The following SOS1 variants were observed in gnomAD, a reference collection of about 807,000 sequenced individuals.
The protein encoded by SOS1 is son of sevenless homolog 1.
Under a neutral mutation model 157.6 loss-of-function variants are expected in SOS1, and 25 were observed. The observed-to-expected ratio is 0.16, with a 90% CI of 0.12 to 0.22. The LOEUF is 0.22. SOS1 is among the 10% of genes least tolerant of loss of function. SOS1 has a pLI of 1.00. For missense variants in SOS1, 1,237 were observed against 1,599.1 expected (o/e 0.77, Z 3.86); for synonymous variants, 528 against 534.0 (o/e 0.99, Z 0.16).
At position 39,071,577 on chromosome 2, in the gene SOS1, T is replaced by TA. The variant is rs142073589; in HGVS notation, c.88-3825dup. On this transcript the variant is annotated intron_variant, in intron 1 of 22. Coordinates refer to ENST00000402219, the MANE Select transcript of SOS1 (RefSeq NM_005633.4). ...AAATGTTAGAGAAGATAATAAATGT[T>TA]AAAATGAAAGTATTTCATCAATAAT... Among the ~76,000 whole-genome samples the TA allele has an allele frequency of 7.1e-3, 1,081 of 152,328 alleles. 12 individuals are homozygous for TA. The highest frequency in any genetic ancestry group is 0.025 in the African/African-American group (1,038 of 41,568).
intron 6 of SOS1, among the ~76,000 whole-genome samples, chr2:39,039,312 G>A (rs1358648836): frequency 2.6e-5 from 4 of 152,182 alleles, no homozygotes; most frequent in African/African-American, 7.2e-5. Context: ...ATAACTTAGT[G>A]TGCACATATG....
intron 1 of SOS1, among the ~76,000 whole-genome samples, chr2:39,087,431 C>A (rs1266523437): frequency 6.6e-6 from 1 of 152,152 alleles, no homozygotes; most frequent in East Asian, 1.9e-4. Flanking sequence ...AGTAATTTTA[C>A]ATTTTTGTCA....
intron 10 of SOS1, among the ~76,000 whole-genome samples, chr2:39,016,190 GATA>G (rs777405617): frequency 2.6e-5 from 4 of 151,950 alleles, no homozygotes; most frequent in Non-Finnish European, 5.9e-5. Flanking sequence ...TGGTCATCGA[GATA>G]ATAACTGATT....
chr2:39,072,655 T>A (rs1256349686), intron 1 of SOS1, among the ~76,000 whole-genome samples: 1 of 152,210 alleles, frequency 6.6e-6, no homozygotes, highest in East Asian at 1.9e-4. Context: ...GAAATTCATA[T>A]TCAGTTTTAT....
Position 39,088,677 on chromosome 2 carries a change from A to G in SOS1, c.88-20924T>C, listed in dbSNP as rs183571334. Among the ~76,000 whole-genome samples the G allele has an allele frequency of 1.1e-3, 172 of 152,338 alleles. 2 individuals are homozygous for G. The highest frequency in any genetic ancestry group is 3.7e-3 in the African/African-American group (154 of 41,574). ...ATTCTATTCCTTTCTAGGGCTGAAT[A>G]GTATTCTATTACATGCATGTATATA... On this transcript the variant is annotated intron_variant, in intron 1 of 22. Coordinates refer to ENST00000402219, the MANE Select transcript of SOS1 (RefSeq NM_005633.4).
At chr2:39,068,034 G>A (rs1181940708) in intron 1 of SOS1, among the ~76,000 whole-genome samples, 1 of 152,130 alleles carries the variant, frequency 6.6e-6, no homozygotes, top group Non-Finnish European at 1.5e-5. Context: ...CAGGAGAATT[G>A]CTGGAACCCA....
chr2:39,061,398 T>C (rs1248873731), intron 2 of SOS1, among the ~76,000 whole-genome samples: 3 of 152,082 alleles, frequency 2.0e-5, no homozygotes, highest in Non-Finnish European at 4.4e-5. Context: ...TTTTATTTAT[T>C]TTGGGGGGGA....
In SOS1 at chr2:38,983,138, T is replaced by G. The variant is rs1668451077; in HGVS notation, c.*2686A>C. ...AATGTTCCACATTTTGGAATGTGGT[T>G]AACAAAAAGTCATGCTGCATTTACC... On this transcript the variant is annotated 3_prime_UTR_variant, in exon 23 of 23. Coordinates refer to ENST00000402219, the MANE Select transcript of SOS1 (RefSeq NM_005633.4). The G allele has an allele frequency of 6.6e-6, 1 of 152,192 alleles. No individual in the cohort carries two copies. The highest frequency in any genetic ancestry group is 2.1e-4 in the South Asian group (1 of 4,834). The allele number at this position is 152,192 out of a possible 1,614,324, so 9.4% of individuals were successfully genotyped here.
Position 39,022,559 on chromosome 2 carries a change from A to C in SOS1, c.1858+11T>G. The C allele has an allele frequency of 6.2e-7, 1 of 1,607,564 alleles. No homozygotes were observed. Among genetic ancestry groups the C allele is most frequent in the Non-Finnish European group, 8.5e-7 (1 of 1,174,312 alleles). ...GAAAACAAAAGTGACAGGCAACTGC[A>C]TAATTCTTACCTGCGTACATATGGT... On this transcript the variant is annotated intron_variant, in intron 10 of 22. Coordinates refer to ENST00000402219, the MANE Select transcript of SOS1 (RefSeq NM_005633.4).
At chr2:39,089,608 C>A (rs781543187) in intron 1 of SOS1, among the ~76,000 whole-genome samples, 46 of 150,764 alleles carry the variant, frequency 3.1e-4, no homozygotes, top group Non-Finnish European at 5.5e-4. Context: ...CAACAATTTA[C>A]ACAACAAAAT....
At chr2:39,019,750 TA>T (rs1462603714) in intron 10 of SOS1, among the ~76,000 whole-genome samples, 2 of 151,580 alleles carry the variant, frequency 1.3e-5, no homozygotes, top group Non-Finnish European at 3.0e-5. Flanking sequence ...ATAAAAATAA[TA>T]ATAATGACCA....
At chr2:39,055,736 C>T (rs929299667) in intron 4 of SOS1, among the ~76,000 whole-genome samples, 1 of 152,088 alleles carries the variant, frequency 6.6e-6, no homozygotes, top group Admixed American at 6.5e-5. Flanking sequence ...AAAACATTTT[C>T]CTTTCTGCAA....
At chr2:39,004,088 A>G (rs1029302032) in intron 17 of SOS1, among the ~76,000 whole-genome samples, 1 of 152,132 alleles carries the variant, frequency 6.6e-6, no homozygotes, top group Non-Finnish European at 1.5e-5. Context: ...TGGCAGGGGT[A>G]TAGGAAGTCA....
At chr2:39,119,424 G>A (rs556800440) in intron 1 of SOS1, among the ~76,000 whole-genome samples, 6 of 152,266 alleles carry the variant, frequency 3.9e-5, no homozygotes, top group African/African-American at 1.4e-4. Context: ...AGCATAAAAG[G>A]TAAAACATAA....
At chr2:39,121,817 C>G (rs558493705), upstream of SOS1, among the ~76,000 whole-genome samples, 13 of 152,204 alleles carry the variant, frequency 8.5e-5, no homozygotes, top group Non-Finnish European at 1.8e-4. Flanking sequence ...GCTAAAGGAG[C>G]AGTATTTATA....
rs377102744 is a variant in SOS1, at chr2:38,986,009, G to A, written c.3817C>T (p.Leu1273=). ...TPSPHGTRRH[L]PSPPLTQEVD... The stretch of plus-strand genomic sequence containing the variant: ...TCTTGTGTCAATGGTGGTGATGGCA[G>A]ATGCCTTCTTGTGCCGTGAGGAGAA... Residue 1273 remains leucine, a synonymous_variant, in exon 23 of 23, where the codon CTG becomes TTG. Transcript: ENST00000402219. 1.9e-6 allele frequency: 3 copies of A among 1,613,860 alleles called. No homozygotes were observed. The highest frequency in any genetic ancestry group is 1.3e-5 in the African/African-American group (1 of 74,916).
intron 8 of SOS1, among the ~76,000 whole-genome samples, chr2:39,030,437 G>A (rs1324382952): frequency 2.6e-5 from 4 of 151,996 alleles, no homozygotes; most frequent in African/African-American, 7.3e-5. Context: ...GGGCATGGTA[G>A]TGCATGCCTG....
At chr2:39,054,028 C>G (rs1265483150) in intron 5 of SOS1, among the ~76,000 whole-genome samples, 6 of 151,838 alleles carry the variant, frequency 4.0e-5, no homozygotes, top group Non-Finnish European at 8.8e-5. Flanking sequence ...CCCAGGTTCA[C>G]GCCATTCTCC....
intron 8 of SOS1, among the ~76,000 whole-genome samples, chr2:39,028,400 T>A (rs866893682): frequency 5.3e-5 from 8 of 152,280 alleles, no homozygotes; most frequent in Middle Eastern, 3.4e-3. Context: ...AAAAATAAAT[T>A]GTTGTACCCA....
Sources: gnomAD v4.1 joint callset for allele counts (sites outside exome capture counted in the v4.1 genomes callset) on GRCh38, gnomAD v4.1.1 for gene constraint, MANE v1.5 for transcripts, NCBI Gene and HGNC (gene_info 2026-07-23, HGNC 2026-07-21) for gene names.